PUDP: variants seen among roughly 807,000 people sequenced by gnomAD.
PUDP encodes the protein pseudouridine 5'-phosphatase.
In PUDP, 8 loss-of-function variants were observed where a neutral mutation model predicts 9.4. The ratio of observed to expected loss-of-function variants is 0.85; its 90% CI spans 0.50 to 1.53. The LOEUF (loss-of-function observed/expected upper bound fraction) is 1.53. Ranked by LOEUF, PUDP falls within the 40% of genes most tolerant of loss-of-function variation. The probability of loss-of-function intolerance (pLI) is 0.00; values close to 1 mark genes in which losing one functional copy is unlikely to be tolerated. For synonymous variants in PUDP, 99 were observed against 80.7 expected (o/e 1.23, Z -1.22); for missense variants, 188 against 189.7 (o/e 0.99, Z 0.05).
intron 3 of PUDP, among the ~76,000 whole-genome samples, chrX:6,814,479 CAT>C (rs1457716135): frequency 9.0e-6 from 1 of 110,780 alleles, no homozygotes; most frequent in Non-Finnish European, 1.9e-5. Flanking sequence ...TGTTTATTTT[CAT>C]GATTGTTTTA....
chrX:6,925,242 G>A (rs1928084107), intron 3 of PUDP, among the ~76,000 whole-genome samples: 1 of 112,026 alleles, frequency 8.9e-6, no homozygotes, highest in Non-Finnish European at 1.9e-5. Context: ...CTGAACCTGG[G>A]AGGTGGAGGT....
At chrX:6,813,343 A>T (rs924382823) in intron 3 of PUDP, among the ~76,000 whole-genome samples, 2 of 111,613 alleles carry the variant, frequency 1.8e-5, no homozygotes, top group African/African-American at 6.5e-5. Flanking sequence ...GGCTTTTTTT[A>T]AAAAATGCTG....
chrX:7,084,660 C>T (rs2146875980), intron 2 of PUDP: 1 of 111,243 alleles, frequency 9.0e-6, no homozygotes, highest in Admixed American at 9.5e-5. Context: ...ATATCTATGA[C>T]CGATATTGAA....
intron 1 of PUDP, among the ~76,000 whole-genome samples, chrX:7,011,282 C>A (rs772190035): frequency 2.7e-5 from 3 of 111,917 alleles, no homozygotes; most frequent in Non-Finnish European, 5.6e-5. Context: ...ACAGAATCTT[C>A]TCTCCATGAA....
At chrX:6,773,186 T>C (rs1654465600) in intron 3 of PUDP, among the ~76,000 whole-genome samples, 1 of 112,136 alleles carries the variant, frequency 8.9e-6, no homozygotes, top group African/African-American at 3.2e-5. Context: ...TGTCTTGGCT[T>C]TTCAAGTTAC....
At chrX:6,839,687 A>T (rs1160109810) in intron 3 of PUDP, among the ~76,000 whole-genome samples, 1 of 111,718 alleles carries the variant, frequency 9.0e-6, no homozygotes, top group African/African-American at 3.3e-5. Flanking sequence ...ACCTATTAGA[A>T]TGGCCAAAAT....
chrX:6,905,541 C>A (rs1043922840), intron 3 of PUDP, among the ~76,000 whole-genome samples: 1 of 111,507 alleles, frequency 9.0e-6, no homozygotes, highest in African/African-American at 3.3e-5. Flanking sequence ...ACTTATGAAA[C>A]AACCAGATCT....
At chrX:7,044,863 C>G (rs1324391745), downstream of PUDP, among the ~76,000 whole-genome samples, 1 of 112,851 alleles carries the variant, frequency 8.9e-6, no homozygotes, top group South Asian at 3.7e-4. Context: ...CTGTGCCTTT[C>G]TTTGCTAGGT....
At chrX:7,071,933 C>T (rs1448465472) in intron 3 of PUDP, among the ~76,000 whole-genome samples, 1 of 110,452 alleles carries the variant, frequency 9.1e-6, no homozygotes, top group African/African-American at 3.3e-5. Context: ...GGCGCCACCA[C>T]ACCTGGCAAA....
At position 6,879,363 on chromosome X, in the gene PUDP, TTTG is replaced by T. The variant is rs1368636407; in HGVS notation, c.*247+97767_*247+97769del. On this transcript the variant is annotated intron_variant and NMD_transcript_variant, in intron 3 of 3. Coordinates refer to the PUDP transcript ENST00000655425. ...TTGATTTTGCAGAATGGCCTTGAAT[TTTG>T]TTGTTGTTGTTCCTCCCTCTGCCAT... Among the ~76,000 whole-genome samples, 10 of 111,526 alleles carry T rather than the reference TTTG, an allele frequency of 9.0e-5. No individual in the cohort carries two copies. The East Asian group carries it at 2.8e-3, about 32-fold the overall frequency.
chrX:6,752,470 T>A (rs1255445378), intron 3 of PUDP, among the ~76,000 whole-genome samples: 2 of 112,017 alleles, frequency 1.8e-5, no homozygotes, highest in African/African-American at 6.5e-5. Flanking sequence ...TGTCCTTTTT[T>A]AAAAGCCACA....
chrX:7,122,736 A>C (rs1932377791), intron 1 of PUDP, among the ~76,000 whole-genome samples: 1 of 111,573 alleles, frequency 9.0e-6, no homozygotes, highest in African/African-American at 3.3e-5. Flanking sequence ...GATTCTCATC[A>C]CCCGATTACA....
intron 3 of PUDP, among the ~76,000 whole-genome samples, chrX:6,789,615 C>T (rs1925705450): frequency 9.0e-6 from 1 of 111,053 alleles, no homozygotes; most frequent in South Asian, 3.8e-4. Flanking sequence ...CAAGCTGGAG[C>T]GCTGATGGTT....
chrX:7,093,517 G>A (rs1931481956), intron 2 of PUDP, among the ~76,000 whole-genome samples: 1 of 111,461 alleles, frequency 9.0e-6, no homozygotes, highest in African/African-American at 3.3e-5. Context: ...CTCTACACCT[G>A]GATGCTCACC....
chrX:7,047,862 C>T (rs1400867106), downstream of PUDP, among the ~76,000 whole-genome samples: 1 of 111,956 alleles, frequency 8.9e-6, no homozygotes, highest in African/African-American at 3.2e-5. Context: ...TTCTAATGTG[C>T]ACGTTTTTTA....
At chrX:6,993,760 C>T (rs1020061595) in intron 1 of PUDP, among the ~76,000 whole-genome samples, 9 of 111,875 alleles carry the variant, frequency 8.0e-5, no homozygotes, top group African/African-American at 2.9e-4. Context: ...TGCTTCCACT[C>T]CAAGGACTAC....
intron 3 of PUDP, among the ~76,000 whole-genome samples, chrX:6,849,469 C>G (rs1324780137): frequency 9.0e-6 from 1 of 111,483 alleles, no homozygotes; most frequent in Non-Finnish European, 1.9e-5. Context: ...GTGGTAGGAC[C>G]TGGGCAAGAG....
intron 3 of PUDP, among the ~76,000 whole-genome samples, chrX:6,782,056 C>T (rs767384381): frequency 2.7e-5 from 3 of 111,118 alleles, no homozygotes; most frequent in East Asian, 2.8e-4. Context: ...AAAACCACAT[C>T]GTGTCTACAC....
Position 7,049,876 on chromosome X carries a change from T to A in PUDP, c.*420A>T, listed in dbSNP as rs1210057017. 1.0e-4 allele frequency: 12 copies of A among 118,748 alleles called. No homozygotes were observed. In the Admixed American group the frequency reaches 1.1e-3, roughly 11 times the overall value. 9.8% of individuals were successfully genotyped at this position (118,748 alleles called of 1,213,427 possible). ...GAGAGAAGTGATGTTCCATTTTGTC[T>A]TGGAAAAGTATATATTTTACATATA... is the stretch of plus-strand genomic sequence containing the variant. On this transcript the variant is annotated 3_prime_UTR_variant, in exon 4 of 4. Coordinates refer to ENST00000381077, the MANE Select transcript of PUDP (RefSeq NM_012080.5).
Sources: gnomAD v4.1 joint callset for allele counts (sites outside exome capture counted in the v4.1 genomes callset) on GRCh38, gnomAD v4.1.1 for gene constraint, MANE v1.5 for transcripts, NCBI Gene and HGNC (gene_info 2026-07-23, HGNC 2026-07-21) for gene names.